The following FAM168A variants were observed in gnomAD, a reference collection of about 807,000 sequenced individuals.
FAM168A encodes the protein family with sequence similarity 168 member A, also known as protein FAM168A.
A neutral mutation model predicts 28.5 loss-of-function variants in FAM168A; 3 were observed. The observed-to-expected ratio is 0.11, with a 90% CI of 0.05 to 0.27. The LOEUF (loss-of-function observed/expected upper bound fraction) is 0.27, where lower values mean the gene tolerates loss of function less well. Ranked by LOEUF, FAM168A falls within the 10% of genes least tolerant of loss-of-function variation. The pLI is 1.00. For synonymous variants in FAM168A, 122 were observed against 124.2 expected (o/e 0.98, Z 0.12); for missense variants, 222 against 311.5 (o/e 0.71, Z 2.16).
chr11:73,498,108 A>T (rs186286460), intron 1 of FAM168A, among the ~76,000 whole-genome samples: 1 of 152,202 alleles, frequency 6.6e-6, no homozygotes, highest in African/African-American at 2.4e-5. Context: ...AGCTAAGAGC[A>T]GTGACTCTGG....
intron 2 of FAM168A, among the ~76,000 whole-genome samples, chr11:73,463,783 G>T (rs369898618): frequency 6.6e-6 from 1 of 152,282 alleles, no homozygotes; most frequent in African/African-American, 2.4e-5. Context: ...CAAGAAAGGG[G>T]TCAGGTGTCA....
At chr11:73,535,035 G>T (rs1169355050) in intron 1 of FAM168A, among the ~76,000 whole-genome samples, 4 of 152,186 alleles carry the variant, frequency 2.6e-5, no homozygotes, top group Non-Finnish European at 5.9e-5. Flanking sequence ...TTCTTCCGGA[G>T]AATCTGACCA....
intron 1 of FAM168A, among the ~76,000 whole-genome samples, chr11:73,530,355 C>A (rs929216237): frequency 6.6e-6 from 1 of 152,142 alleles, no homozygotes; most frequent in African/African-American, 2.4e-5. Context: ...TAGGTTCTGC[C>A]GATAGAGGGT....
rs956970473 is a variant in FAM168A at position 73,461,040 on chromosome 11, C to G, written c.70+7365G>C. Among the ~76,000 whole-genome samples, 21 of 152,158 alleles carry G rather than the reference C, an allele frequency of 1.4e-4. 1 individual carries two copies. The highest frequency in any genetic ancestry group is 5.1e-4 in the African/African-American group (21 of 41,420). ...ATCTGTCCATCCATTTGTTGAAAAA[C>G]TAGTCAATATTCATGGCATGCAGGG... On this transcript the variant is annotated intron_variant, in intron 2 of 7. Coordinates refer to ENST00000356467, the MANE Select transcript of FAM168A (RefSeq NM_015159.3).
intron 3 of FAM168A, chr11:73,420,792 T>C (rs1866778369): frequency 6.6e-6 from 1 of 152,478 alleles, no homozygotes. Context: ...GTTTAAGATC[T>C]GCAAAGACTT....
intron 2 of FAM168A, 58 bp from the exon 3 acceptor site, chr11:73,430,828 AAC>A (rs1555018658): frequency 2.1e-6 from 3 of 1,412,202 alleles, no homozygotes; most frequent in Non-Finnish European, 2.9e-6. Flanking sequence ...AACAAAACAA[AAC>A]AAAACAAAAA....
intron 1 of FAM168A, among the ~76,000 whole-genome samples, chr11:73,544,937 T>C (rs1172341985): frequency 1.2e-4 from 11 of 93,212 alleles, no homozygotes; most frequent in African/African-American, 4.6e-4. Context: ...TAAAATATAT[T>C]ATGTAATATA....
intron 6 of FAM168A, among the ~76,000 whole-genome samples, chr11:73,409,032 G>A (rs1866559179): frequency 6.6e-6 from 1 of 151,984 alleles, no homozygotes; most frequent in Admixed American, 6.6e-5. Flanking sequence ...CCACTCTGCA[G>A]CCAGAGAATG....
At chr11:73,436,174 T>C (rs1401138679) in intron 2 of FAM168A, among the ~76,000 whole-genome samples, 1 of 152,246 alleles carries the variant, frequency 6.6e-6, no homozygotes, top group African/African-American at 2.4e-5. Context: ...TACATTTTAA[T>C]TGCTTTATAG....
At chr11:73,513,726 T>G (rs976503580) in intron 1 of FAM168A, among the ~76,000 whole-genome samples, 1 of 152,158 alleles carries the variant, frequency 6.6e-6, no homozygotes, top group African/African-American at 2.4e-5. Flanking sequence ...GTTTTTATAT[T>G]AAACCACTGA....
intron 1 of FAM168A, among the ~76,000 whole-genome samples, chr11:73,525,700 C>G (rs890138460): frequency 6.6e-6 from 1 of 152,190 alleles, no homozygotes; most frequent in Non-Finnish European, 1.5e-5. Flanking sequence ...CCTCTGCAGC[C>G]TAAGTTTTCT....
rs777455358 is a variant in FAM168A at position 73,453,052 on chromosome 11, T to C, written c.70+15353A>G. ...CCTTATGAATTCTGAAGATAAGACA[T>C]AGACTTCAAATACATTTTAACCTTG... On this transcript the variant is annotated intron_variant, in intron 2 of 7. Coordinates refer to ENST00000356467, the MANE Select transcript of FAM168A (RefSeq NM_015159.3). 2.8e-4 allele frequency among the ~76,000 whole-genome samples: 43 copies of C among 152,342 alleles called. 1 individual carries two copies. Among genetic ancestry groups the C allele is most frequent in the Admixed American group, 2.6e-3 (40 of 15,310 alleles).
chr11:73,409,541 T>C lies in FAM168A; in HGVS notation c.541A>G (p.Thr181Ala). The C allele has an allele frequency of 6.2e-7, 1 of 1,614,010 alleles. No homozygotes were observed. The highest frequency in any genetic ancestry group is 2.2e-5 in the East Asian group (1 of 44,880). The change falls in exon 6 of 8, where the codon ACC becomes GCC. Residue 181 changes from threonine to alanine, a missense_variant. This residue lies in a region of FAM168A where 64 missense variants were observed against 94.6 expected (regional missense o/e 0.68). Coordinates refer to ENST00000356467, the MANE Select transcript of FAM168A (RefSeq NM_015159.3). The stretch of plus-strand genomic sequence containing the variant: ...ACCATGCCCATGGCCACACCGTTGG[T>C]CCTCGGGGCGGCAACAGGTGCTGGG... ...IYPAPVAAPR[T>A]NGVAMGMVAG...
intron 2 of FAM168A, among the ~76,000 whole-genome samples, chr11:73,463,488 C>T (rs1867684871): frequency 6.6e-6 from 1 of 152,136 alleles, no homozygotes; most frequent in Non-Finnish European, 1.5e-5. Context: ...AAGCATGAGA[C>T]ATTCATGGAG....
chr11:73,576,001 T>C (rs1944169009), intron 1 of FAM168A, among the ~76,000 whole-genome samples: 1 of 152,202 alleles, frequency 6.6e-6, no homozygotes, highest in South Asian at 2.1e-4. Context: ...AACTCAAACA[T>C]AGGATATTCC....
chr11:73,517,135 G>A (rs995815790), intron 1 of FAM168A, among the ~76,000 whole-genome samples: 9 of 151,956 alleles, frequency 5.9e-5, no homozygotes, highest in African/African-American at 1.9e-4. Flanking sequence ...CTATAACTTC[G>A]AACTCCTGGG....
intron 1 of FAM168A, among the ~76,000 whole-genome samples, chr11:73,475,640 TA>T (rs141436441): frequency 6.7e-6 from 1 of 149,140 alleles, no homozygotes; most frequent in African/African-American, 2.5e-5. Context: ...GATGAAATGT[TA>T]AAAAAAAAAC....
chr11:73,409,722 G>A, intron 5 of FAM168A, 61 bp from the exon 6 acceptor site: 1 of 1,508,376 alleles, frequency 6.6e-7, no homozygotes, highest in East Asian at 2.3e-5. Flanking sequence ...TATGGAGAGA[G>A]CAGCACTGGC....
chr11:73,598,059 C>A lies in FAM168A; in HGVS notation c.-155G>T, dbSNP rs1422927909. 6.6e-6 allele frequency: 1 copy of A among 152,442 alleles called. No homozygotes were observed. Among genetic ancestry groups the A allele is most frequent in the Non-Finnish European group, 1.5e-5 (1 of 68,244 alleles). 9.4% of individuals were successfully genotyped at this position (152,442 alleles called of 1,614,324 possible). A position where few individuals can be genotyped will look rare whatever the true frequency, so the allele number is the denominator to read the frequency against. On this transcript the variant is annotated 5_prime_UTR_variant, in exon 1 of 8. Coordinates refer to ENST00000356467, the MANE Select transcript of FAM168A (RefSeq NM_015159.3). Reference sequence around the variant, plus strand: ...GGATGGCGCGCGGGGACCGGAGCCTCCTCCTCAGCGACTCGGCTCTGAATC... The same window carrying A: ...GGATGGCGCGCGGGGACCGGAGCCTACTCCTCAGCGACTCGGCTCTGAATC...
Sources: gnomAD v4.1 joint callset for allele counts (sites outside exome capture counted in the v4.1 genomes callset) on GRCh38, gnomAD v4.1.1 for gene constraint, gnomAD v4.1.1 regional missense constraint, MANE v1.5 for transcripts, NCBI Gene and HGNC (gene_info 2026-07-23, HGNC 2026-07-21) for gene names.